HABP2: variants seen among roughly 807,000 people sequenced by gnomAD.
HABP2 encodes hyaluronan binding protein 2.
HABP2 carries 65 observed loss-of-function variants against 66.5 expected under a neutral mutation model. The ratio of observed to expected loss-of-function variants is 0.98; its 90% CI spans 0.80 to 1.20. The LOEUF (loss-of-function observed/expected upper bound fraction) is 1.20, where lower values mean the gene tolerates loss of function less well. HABP2 is among the 50% of genes most tolerant of loss of function. The probability of loss-of-function intolerance (pLI) is 0.00; values close to 1 mark genes in which losing one functional copy is unlikely to be tolerated. For synonymous variants in HABP2, 263 were observed against 253.9 expected, an observed-to-expected ratio of 1.04 and a Z score of -0.34; for missense variants, 786 against 691.0, an observed-to-expected ratio of 1.14 and a Z score of -1.54.
chr10:113,572,480 ATC>A (rs1327331484), intron 2 of HABP2, among the ~76,000 whole-genome samples: 1 of 152,248 alleles, frequency 6.6e-6, no homozygotes, highest in Non-Finnish European at 1.5e-5. Flanking sequence ...ATCTATAAAC[ATC>A]TGTTGGAAAA....
chr10:113,573,475 C>T (rs529331061), intron 2 of HABP2, among the ~76,000 whole-genome samples: 2 of 152,276 alleles, frequency 1.3e-5, no homozygotes, highest in Non-Finnish European at 2.9e-5. Context: ...CAATGTAAGA[C>T]CCCAGTTGAA....
At chr10:113,560,218 A>T (rs1845076117) in intron 1 of HABP2, among the ~76,000 whole-genome samples, 1 of 152,240 alleles carries the variant, frequency 6.6e-6, no homozygotes, top group African/African-American at 2.4e-5. Context: ...TGAACCTGCC[A>T]GTCTTGAGAC....
chr10:113,574,613 T>C (rs538531500), intron 3 of HABP2, among the ~76,000 whole-genome samples: 3 of 152,208 alleles, frequency 2.0e-5, no homozygotes, highest in African/African-American at 7.2e-5. Flanking sequence ...TCCCCTACCC[T>C]CAAATGACAG....
chr10:113,570,721 A>G (rs1845291396), intron 2 of HABP2, among the ~76,000 whole-genome samples: 1 of 152,244 alleles, frequency 6.6e-6, no homozygotes, highest in African/African-American at 2.4e-5. Context: ...CTCTGCTTTA[A>G]GCAGACACCA....
chr10:113,588,204 G>C lies in HABP2; in HGVS notation c.1519-1G>C. 1 of 1,600,502 alleles carries C rather than the reference G, an allele frequency of 6.2e-7. No homozygotes were observed. Among genetic ancestry groups the C allele is most frequent in the Non-Finnish European group, 8.5e-7 (1 of 1,174,242 alleles). ...TGAGCTTATGCCTCTGTTTCCCTTA[G>C]GGTGACTCTGGAGGCCCCCTGACCT... On this transcript the variant is annotated splice_acceptor_variant, in intron 12 of 12. Transcript: ENST00000351270. LOFTEE classifies it high-confidence loss of function.
At chr10:113,583,720 C>T (rs1393025490) in intron 10 of HABP2, among the ~76,000 whole-genome samples, 1 of 152,174 alleles carries the variant, frequency 6.6e-6, no homozygotes, top group African/African-American at 2.4e-5. Flanking sequence ...TCCTATGTGT[C>T]AGGAGACACA....
upstream of HABP2, among the ~76,000 whole-genome samples, chr10:113,552,537 C>T (rs1349040769): frequency 6.6e-6 from 1 of 152,130 alleles, no homozygotes; most frequent in African/African-American, 2.4e-5. Flanking sequence ...TAAAACAAAA[C>T]TTTTGAAGCC....
intron 1 of HABP2, among the ~76,000 whole-genome samples, chr10:113,560,615 G>A (rs11575633): frequency 0.23 from 34,442 of 152,146 alleles, 4,490 homozygotes; most frequent in Non-Finnish European, 0.3. Flanking sequence ...AGGTGTAAAT[G>A]ACCCATGTCC....
chr10:113,582,443 A>G (rs1384829453), intron 9 of HABP2, among the ~76,000 whole-genome samples: 1 of 152,248 alleles, frequency 6.6e-6, no homozygotes, highest in Non-Finnish European at 1.5e-5. Context: ...GCCTTTGTAC[A>G]TAGCAAGTGC....
intron 1 of HABP2, among the ~76,000 whole-genome samples, chr10:113,562,117 C>T (rs1345070579): frequency 1.3e-5 from 2 of 152,118 alleles, no homozygotes; most frequent in East Asian, 1.9e-4. Context: ...AATAAACAGT[C>T]GTTGGATCTA....
intron 8 of HABP2, among the ~76,000 whole-genome samples, chr10:113,581,505 A>T (rs1041973025): frequency 6.6e-6 from 1 of 152,230 alleles, no homozygotes; most frequent in African/African-American, 2.4e-5. Context: ...CTAATAATGA[A>T]AGGTGCATTG....
chr10:113,575,903 G>A lies in HABP2; in HGVS notation c.230G>A (p.Cys77Tyr), dbSNP rs2133770426. Reference sequence around the variant, plus strand: ...TTCTTCCTGTGTGTCTTAGATCCATGCCAGCCCAACCCCTGTGAACACGGT... The same window carrying A: ...TTCTTCCTGTGTGTCTTAGATCCATACCAGCCCAACCCCTGTGAACACGGT... Reference protein sequence around the residue: ...WYYTEDQADPCQPNPCEHGGD... With the variant: ...WYYTEDQADPYQPNPCEHGGD... The change falls in exon 4 of 13, where the codon TGC (cysteine) becomes TAC (tyrosine). Residue 77 changes from cysteine (C) to tyrosine (Y), a missense_variant. Transcript: ENST00000351270. The A allele has an allele frequency of 6.3e-7, 1 of 1,599,466 alleles. No homozygotes were observed. Among genetic ancestry groups the A allele is most frequent in the Non-Finnish European group, 8.6e-7 (1 of 1,167,082 alleles).
chr10:113,556,807 T>A, intron 1 of HABP2, among the ~76,000 whole-genome samples: 1 of 56,944 alleles, frequency 1.8e-5, no homozygotes. Context: ...TTTTATTCTT[T>A]TTTTTTTTTT....
chr10:113,571,382 G>C (rs1344542527), intron 2 of HABP2, among the ~76,000 whole-genome samples: 3 of 152,196 alleles, frequency 2.0e-5, no homozygotes, highest in Admixed American at 2.0e-4. Flanking sequence ...AGGCCAAACT[G>C]TTCACATGGC....
chr10:113,574,347 C>A lies in HABP2; in HGVS notation c.165C>A (p.Thr55=), dbSNP rs754959601. The change falls in exon 3 of 13, where the codon ACC becomes ACA. Residue 55 remains threonine, a synonymous_variant. Coordinates refer to ENST00000351270, the MANE Select transcript of HABP2 (RefSeq NM_004132.5). ...SYEDYNQEEN[T]SSTLTHAENP... ...AGGATTATAATCAGGAAGAGAACAC[C>A]AGTAGCACACTTACCCACGCTGAGA... 6.2e-7 allele frequency: 1 copy of A among 1,608,754 alleles called. No homozygotes were observed. Among genetic ancestry groups the A allele is most frequent in the Non-Finnish European group, 8.5e-7 (1 of 1,174,996 alleles).
chr10:113,564,492 C>T, intron 1 of HABP2, among the ~76,000 whole-genome samples: 1 of 152,228 alleles, frequency 6.6e-6, no homozygotes, highest in East Asian at 1.9e-4. Flanking sequence ...CCACCCTCAG[C>T]CCCAAACAGA....
At position 113,583,221 on chromosome 10, in the gene HABP2, A is replaced by C. The variant is rs774826039; in HGVS notation, c.1100A>C (p.Lys367Thr). The C allele has an allele frequency of 1.2e-5, 19 of 1,613,890 alleles. No individual in the cohort carries two copies. Among genetic ancestry groups the C allele is most frequent in the Non-Finnish European group, 1.6e-5 (19 of 1,179,870 alleles). The change falls in exon 10 of 13, where the codon AAA (lysine) becomes ACA (threonine). Residue 367 changes from lysine (K) to threonine (T), a missense_variant. By Grantham distance (78) the Lys-to-Thr change is moderately conservative. Transcript: ENST00000351270. The stretch of plus-strand genomic sequence containing the variant: ...CATCTCATTTTCCCTTGCAGCATAA[A>C]AACCAGACATCTAAAGGTGGTGCTA... ...VLTAAHCTDI[K>T]TRHLKVVLGD...
At position 113,582,073 on chromosome 10, in the gene HABP2, T is replaced by A. The variant is rs1845546441; in HGVS notation, c.1036T>A (p.Phe346Ile). The A allele has an allele frequency of 6.2e-7, 1 of 1,612,810 alleles. No individual in the cohort carries two copies. Among genetic ancestry groups the A allele is most frequent in the South Asian group, 1.1e-5 (1 of 91,076 alleles). Residue 346 changes from phenylalanine to isoleucine, a missense_variant, in exon 9 of 13, where the codon TTC becomes ATC. By Grantham distance (21) the Phe-to-Ile change is conservative. Coordinates refer to ENST00000351270, the MANE Select transcript of HABP2 (RefSeq NM_004132.5). ...GACCATCTCCATGCCCCAGGGCCAC[T>A]TCTGTGGTGGGGCGCTGATCCACCC... Reference protein sequence around the residue: ...PLTISMPQGHFCGGALIHPCW... With the variant: ...PLTISMPQGHICGGALIHPCW...
At chr10:113,557,995 T>G (rs1231523614) in intron 1 of HABP2, among the ~76,000 whole-genome samples, 6 of 152,200 alleles carry the variant, frequency 3.9e-5, no homozygotes, top group Non-Finnish European at 7.3e-5. Context: ...CCTAGTTCTA[T>G]GCTCACAAGC....
Sources: gnomAD v4.1 joint callset for allele counts (sites outside exome capture counted in the v4.1 genomes callset) on GRCh38, gnomAD v4.1.1 for gene constraint, MANE v1.5 for transcripts, NCBI Gene and HGNC (gene_info 2026-07-23, HGNC 2026-07-21) for gene names.